Variants in EIF2AK4 observed in about 807,000 individuals in gnomAD.
EIF2AK4 encodes the protein eukaryotic translation initiation factor 2 alpha kinase 4, also known as eIF-2-alpha kinase GCN2.
A neutral mutation model predicts 211.1 loss-of-function variants in EIF2AK4; 139 were observed. The observed-to-expected ratio is 0.66, with a 90% CI of 0.57 to 0.76. The LOEUF is 0.76. Among genes scored for constraint, EIF2AK4 ranks in the 30% least tolerant of loss-of-function variants. EIF2AK4 has a pLI of 0.00. For synonymous variants in EIF2AK4, 710 were observed against 751.3 expected (o/e 0.94, Z 0.90); for missense variants, 1,664 against 2,043.8 (o/e 0.81, Z 3.58).
At chr15:39,972,236 G>C (rs2140915861) in intron 9 of EIF2AK4, among the ~76,000 whole-genome samples, 1 of 151,846 alleles carries the variant, frequency 6.6e-6, no homozygotes, top group South Asian at 2.1e-4. Flanking sequence ...GTGCCTGCCT[G>C]TAGTCCCAGC....
intron 20 of EIF2AK4, among the ~76,000 whole-genome samples, chr15:40,000,616 A>G (rs2035076666): frequency 6.6e-6 from 1 of 152,210 alleles, no homozygotes; most frequent in Admixed American, 6.5e-5. Flanking sequence ...ATGCATTACA[A>G]TTTCTACTAA....
chr15:39,939,026 A>C (rs2034106652), intron 1 of EIF2AK4, among the ~76,000 whole-genome samples: 1 of 152,194 alleles, frequency 6.6e-6, no homozygotes, highest in Admixed American at 6.5e-5. Context: ...ATCTCAATTC[A>C]AATCTCCCCT....
chr15:39,951,421 T>A (rs1457980739), intron 4 of EIF2AK4: 4 of 305,024 alleles, frequency 1.3e-5, no homozygotes, highest in Non-Finnish European at 1.9e-5. Flanking sequence ...TTCAGCACAA[T>A]TGTTACATGT....
chr15:39,988,860 G>A (rs137922352), intron 15 of EIF2AK4, among the ~76,000 whole-genome samples: 44 of 152,262 alleles, frequency 2.9e-4, no homozygotes, highest in African/African-American at 1.0e-3. Flanking sequence ...CATTAGCTGA[G>A]TGTCGTGGTG....
At chr15:39,971,720 A>C (rs532440813) in intron 9 of EIF2AK4, among the ~76,000 whole-genome samples, 1 of 152,084 alleles carries the variant, frequency 6.6e-6, no homozygotes, top group East Asian at 1.9e-4. Flanking sequence ...TTATCTCAAA[A>C]AAAAAAATTA....
intron 17 of EIF2AK4, 98 bp downstream of exon 17, chr15:39,992,327 G>A (rs1055485260): frequency 1.1e-5 from 11 of 1,016,826 alleles, no homozygotes; most frequent in South Asian, 7.9e-5. Context: ...TTATTCTACG[G>A]CAGATTTTAA....
intron 1 of EIF2AK4, among the ~76,000 whole-genome samples, chr15:39,936,890 A>G (rs2034072244): frequency 6.6e-6 from 1 of 152,196 alleles, no homozygotes; most frequent in Non-Finnish European, 1.5e-5. Flanking sequence ...TAAACACTAT[A>G]ACTAACCTCA....
At chr15:40,003,101 A>G in intron 22 of EIF2AK4, 92 bp from the exon 23 acceptor site, 1 of 1,538,040 alleles carries the variant, frequency 6.5e-7, no homozygotes. Context: ...CCCAGTAGCA[A>G]TTACTTAACT....
chr15:39,943,029 A>ATT (rs201242569), intron 2 of EIF2AK4, among the ~76,000 whole-genome samples: 25 of 146,774 alleles, frequency 1.7e-4, no homozygotes, highest in East Asian at 5.9e-4. Flanking sequence ...AACTGGAATG[A>ATT]TTTTTTTTTT....
Position 39,993,208 on chromosome 15 carries a change from C to T in EIF2AK4, c.2766+360C>T, listed in dbSNP as rs147451446. ...CTCGTCCATCCGTCCGTCCGTCCATCCATCCATCCATCCAGCCATCCATCC... is the reference window on the plus strand; with the variant it reads ...CTCGTCCATCCGTCCGTCCGTCCATTCATCCATCCATCCAGCCATCCATCC... On this transcript the variant is annotated intron_variant, in intron 18 of 38. Coordinates refer to ENST00000263791, the MANE Select transcript of EIF2AK4 (RefSeq NM_001013703.4). 8.6e-3 allele frequency among the ~76,000 whole-genome samples: 1,309 copies of T among 152,092 alleles called. 21 individuals are homozygous for T. The highest frequency in any genetic ancestry group is 0.03 in the African/African-American group (1,263 of 41,484).
At chr15:40,034,675 A>G (rs1213901402) in intron 38 of EIF2AK4, among the ~76,000 whole-genome samples, 1 of 152,172 alleles carries the variant, frequency 6.6e-6, no homozygotes, top group African/African-American at 2.4e-5. Context: ...AATTTTGTTC[A>G]CCCAGGTAAT....
intron 11 of EIF2AK4, chr15:39,975,344 C>T (rs1465907226): frequency 6.6e-6 from 1 of 152,166 alleles, no homozygotes. Context: ...ATCTGAAACT[C>T]AATTTTGTAG....
At chr15:39,955,891 T>TAC (rs1267902632) in intron 6 of EIF2AK4, 123 bp downstream of exon 6, 3 of 996,478 alleles carry the variant, frequency 3.0e-6, no homozygotes, top group Non-Finnish European at 4.2e-6. Flanking sequence ...TTTCAAACCT[T>TAC]ATATATCTTA....
chr15:39,944,230 C>A (rs1303284875), intron 3 of EIF2AK4, among the ~76,000 whole-genome samples: 1 of 152,068 alleles, frequency 6.6e-6, no homozygotes. Flanking sequence ...TTTTAATCTT[C>A]TGAACATTAG....
chr15:40,011,467 A>G, intron 27 of EIF2AK4, 121 bp downstream of exon 27: 1 of 752,430 alleles, frequency 1.3e-6, no homozygotes, highest in South Asian at 1.8e-5. Flanking sequence ...TCGCAGATGC[A>G]GTTTTTCCCT....
chr15:40,031,882 T>A (rs1256062560), intron 35 of EIF2AK4, among the ~76,000 whole-genome samples: 2 of 152,170 alleles, frequency 1.3e-5, no homozygotes, highest in African/African-American at 4.8e-5. Flanking sequence ...CCGGCCACCA[T>A]GCCCTGCTAA....
chr15:39,992,460 G>C (rs2034956824), intron 17 of EIF2AK4: 2 of 530,722 alleles, frequency 3.8e-6, no homozygotes, highest in Admixed American at 6.9e-5. Context: ...GGCTCCCAGG[G>C]GTAGACAGTT....
chr15:39,948,038 AGACTG>A (rs2034253565), intron 3 of EIF2AK4, among the ~76,000 whole-genome samples: 2 of 152,254 alleles, frequency 1.3e-5, no homozygotes, highest in Non-Finnish European at 2.9e-5. Context: ...CCTGCCTCTT[AGACTG>A]TAGACTAGTG....
In EIF2AK4 at chr15:40,008,490, G is replaced by T. The variant is rs12164905; in HGVS notation, c.3576+295G>T. Among the ~76,000 whole-genome samples the T allele has an allele frequency of 0.16, 23,724 of 151,970 alleles. 1,968 individuals are homozygous for T. The highest frequency in any genetic ancestry group is 0.18 in the Non-Finnish European group (12,265 of 67,984). On this transcript the variant is annotated intron_variant, in intron 25 of 38. Transcript: ENST00000263791. ...CTCTTAGCCTGTTCATACCCTGTTT[G>T]GAACCCTCAGTGGCTCTATCCTACA...
Sources: allele counts gnomAD v4.1 joint callset (sites outside exome capture counted in the v4.1 genomes callset), GRCh38; gene constraint gnomAD v4.1.1; transcripts MANE v1.5; gene names NCBI Gene and HGNC (gene_info 2026-07-23, HGNC 2026-07-21).